Variants in RASEF observed in about 807,000 individuals in gnomAD.
The protein encoded by RASEF is RAS and EF-hand domain containing, also known as ras and EF-hand domain-containing protein.
RASEF carries 68 observed loss-of-function variants against 90.1 expected under a neutral mutation model. The observed-to-expected ratio is 0.75, with a 90% confidence interval of 0.62 to 0.92. RASEF has a LOEUF of 0.92. RASEF is among the 40% of genes least tolerant of loss of function. The pLI is 0.00. For synonymous variants in RASEF, 331 were observed against 345.2 expected (o/e 0.96, Z 0.46); for missense variants, 949 against 937.2 (o/e 1.01, Z -0.16).
chr9:83,091,918 A>G, the RASEF span, among the ~76,000 whole-genome samples: 2 of 150,620 alleles, frequency 1.3e-5, no homozygotes, highest in Admixed American at 6.6e-5. Context: ...ATGGGACTAG[A>G]GTAAGTTAAA....
At chr9:83,140,597 T>C in the RASEF span, among the ~76,000 whole-genome samples, 1 of 152,158 alleles carries the variant, frequency 6.6e-6, no homozygotes, top group Non-Finnish European at 1.5e-5. Flanking sequence ...ATATGGGTCC[T>C]ATCAGCTGGC....
At chr9:83,180,584 A>G in the RASEF span, among the ~76,000 whole-genome samples, 1 of 152,112 alleles carries the variant, frequency 6.6e-6, no homozygotes, top group East Asian at 1.9e-4. Flanking sequence ...GCACATTAAT[A>G]AGTGCACTAA....
At chr9:83,009,600 A>G (rs1387812508) in intron 6 of RASEF, 41 bp downstream of exon 6, 2 of 1,201,508 alleles carry the variant, frequency 1.7e-6, no homozygotes, top group Non-Finnish European at 2.5e-6. Context: ...GATCATCTCA[A>G]TATTCTACTC....
chr9:83,184,032 G>T, the RASEF span, among the ~76,000 whole-genome samples: 1 of 152,208 alleles, frequency 6.6e-6, no homozygotes, highest in East Asian at 1.9e-4. Flanking sequence ...AATACTGCTG[G>T]TCTACGGACC....
intron 2 of RASEF, among the ~76,000 whole-genome samples, chr9:83,024,835 G>A (rs1429906494): frequency 1.3e-5 from 2 of 152,174 alleles, no homozygotes; most frequent in Non-Finnish European, 2.9e-5. Flanking sequence ...CAGCAGAATT[G>A]AAGACAAGTC....
the RASEF span, among the ~76,000 whole-genome samples, chr9:83,126,240 G>A: frequency 6.6e-6 from 1 of 152,116 alleles, no homozygotes; most frequent in Non-Finnish European, 1.5e-5. Flanking sequence ...ATGAAGAGGT[G>A]AAGTCCTTAT....
the RASEF span, among the ~76,000 whole-genome samples, chr9:83,104,420 T>A: frequency 6.6e-6 from 1 of 152,088 alleles, no homozygotes; most frequent in Non-Finnish European, 1.5e-5. Context: ...GTTAAGAAAC[T>A]GAGAGAGCTT....
At chr9:83,103,106 A>C in the RASEF span, among the ~76,000 whole-genome samples, 4 of 152,194 alleles carry the variant, frequency 2.6e-5, no homozygotes, top group African/African-American at 9.6e-5. Context: ...GAGCATTTGA[A>C]GTCAAATACC....
chr9:83,201,618 T>C, the RASEF span, among the ~76,000 whole-genome samples: 1 of 152,192 alleles, frequency 6.6e-6, no homozygotes, highest in Non-Finnish European at 1.5e-5. Context: ...TGGGACTTTT[T>C]TCTATTTCTC....
chr9:83,086,299 T>C, the RASEF span, among the ~76,000 whole-genome samples: 3 of 152,102 alleles, frequency 2.0e-5, no homozygotes, highest in Non-Finnish European at 2.9e-5. Flanking sequence ...AGGAAGCAAC[T>C]CAGAGCTCAA....
chr9:82,985,389 C>T (rs184123931), intron 16 of RASEF, among the ~76,000 whole-genome samples: 11 of 152,088 alleles, frequency 7.2e-5, no homozygotes, highest in South Asian at 4.2e-4. Flanking sequence ...GAGGAAAGAT[C>T]GGCCCCCATG....
the RASEF span, among the ~76,000 whole-genome samples, chr9:83,158,712 A>ATACATATATGTATATATTTATGTACATG: frequency 6.7e-6 from 1 of 148,950 alleles, no homozygotes. Context: ...TTATGTACAT[A>ATACATATATGTATATATTTATGTACATG]TACATATATG....
chr9:83,198,799 T>C, the RASEF span, among the ~76,000 whole-genome samples: 1 of 147,206 alleles, frequency 6.8e-6, no homozygotes, highest in African/African-American at 2.5e-5. Context: ...AGCAGCTTTC[T>C]GTTCCCAGGC....
At chr9:83,165,907 T>C in the RASEF span, among the ~76,000 whole-genome samples, 1 of 152,144 alleles carries the variant, frequency 6.6e-6, no homozygotes, top group Non-Finnish European at 1.5e-5. Context: ...TTTGATAACC[T>C]AGATGAAATG....
the RASEF span, among the ~76,000 whole-genome samples, chr9:83,110,468 T>A: frequency 6.6e-6 from 1 of 152,148 alleles, no homozygotes; most frequent in East Asian, 1.9e-4. Flanking sequence ...GCAAACCTAA[T>A]ATTATAATCT....
chr9:83,105,219 T>C, the RASEF span, among the ~76,000 whole-genome samples: 3 of 152,190 alleles, frequency 2.0e-5, no homozygotes, highest in Admixed American at 1.3e-4. Flanking sequence ...ACATTAGCAG[T>C]GAAATGTTTG....
the RASEF span, among the ~76,000 whole-genome samples, chr9:83,089,945 GATAT>G: frequency 7.2e-6 from 1 of 138,888 alleles, no homozygotes; most frequent in East Asian, 2.1e-4. Flanking sequence ...TAGATAGATA[GATAT>G]AGATATATAG....
intron 5 of RASEF, among the ~76,000 whole-genome samples, chr9:83,010,280 G>A (rs984143118): frequency 6.6e-6 from 1 of 152,160 alleles, no homozygotes; most frequent in African/African-American, 2.4e-5. Context: ...GTTCAAGATG[G>A]TGGATGGAGC....
chr9:83,113,509 G>A, the RASEF span, among the ~76,000 whole-genome samples: 2 of 152,212 alleles, frequency 1.3e-5, no homozygotes, highest in Non-Finnish European at 1.5e-5. Context: ...TGGCAGAATA[G>A]AGCCATACTT....
Sources: allele counts gnomAD v4.1 joint callset (sites outside exome capture counted in the v4.1 genomes callset), GRCh38; gene constraint gnomAD v4.1.1; transcripts MANE v1.5; gene names NCBI Gene and HGNC (gene_info 2026-07-23, HGNC 2026-07-21).